Variants in ELN observed in about 807,000 individuals in gnomAD.
The protein encoded by ELN is tropoelastin.
Under a neutral mutation model 105.8 loss-of-function variants are expected in ELN, and 65 were observed. The ratio of observed to expected loss-of-function variants is 0.61; its 90% confidence interval spans 0.50 to 0.75. The LOEUF (loss-of-function observed/expected upper bound fraction) is 0.75. Among genes scored for constraint, ELN ranks in the 30% least tolerant of loss-of-function variants. ELN has a pLI of 0.00. For missense variants in ELN, 882 were observed against 969.4 expected (o/e 0.91, Z 1.20); for synonymous variants, 368 against 389.2 (o/e 0.95, Z 0.64).
chr7:74,032,655 G>A (rs1457823578), intron 1 of ELN, among the ~76,000 whole-genome samples: 1 of 152,188 alleles, frequency 6.6e-6, no homozygotes, highest in African/African-American at 2.4e-5. Context: ...GGGTCTGAAC[G>A]GTGGGGGTGG....
chr7:74,044,906 T>A (rs1554671078), intron 9 of ELN, among the ~76,000 whole-genome samples: 1 of 152,186 alleles, frequency 6.6e-6, no homozygotes, highest in African/African-American at 2.4e-5. Flanking sequence ...GCAGCAGCTG[T>A]CCCTCTCTTT....
chr7:74,054,906 G>A, intron 19 of ELN, 137 bp downstream of exon 19: 1 of 904,486 alleles, frequency 1.1e-6, no homozygotes, highest in Non-Finnish European at 1.8e-6. Flanking sequence ...CAGGCCTCAG[G>A]ACAATGTCTC....
intron 19 of ELN, among the ~76,000 whole-genome samples, chr7:74,055,306 G>A (rs529796994): frequency 6.6e-6 from 1 of 151,956 alleles, no homozygotes; most frequent in Non-Finnish European, 1.5e-5. Flanking sequence ...TGGGCATAGT[G>A]GCATGTGCTT....
rs572391132 is a variant in ELN, at chr7:74,065,555, A to G, written c.1994-139A>G. ...CTTGAACCCAGGAGATGGAGGTTGCAGTGAGCCGGGATCGCGCCACTGCAC... is the reference window on the plus strand; with the variant it reads ...CTTGAACCCAGGAGATGGAGGTTGCGGTGAGCCGGGATCGCGCCACTGCAC... On this transcript the variant is annotated intron_variant, in intron 29 of 32. Coordinates refer to ENST00000252034, the MANE Select transcript of ELN (RefSeq NM_000501.4). 27 of 977,364 alleles carry G rather than the reference A, an allele frequency of 2.8e-5. No individual in the cohort carries two copies. In the South Asian group the frequency reaches 4.0e-4, roughly 14 times the overall value. The allele number at this position is 977,364 out of a possible 1,614,324, so 60.5% of individuals were successfully genotyped here.
At position 74,069,074 on chromosome 7, in the gene ELN, T is replaced by C; in HGVS notation, c.*374T>C. The C allele has an allele frequency of 2.5e-6, 1 of 408,022 alleles. No homozygotes were observed. 25.3% of individuals were successfully genotyped at this position (408,022 alleles called of 1,614,324 possible). ...GTGGCCCCTCGGGGAACCCCCTACC[T>C]GGGGCTCCTCTAAAGATGGTGCAGA... On this transcript the variant is annotated 3_prime_UTR_variant, in exon 33 of 33. Transcript: ENST00000252034.
intron 15 of ELN, among the ~76,000 whole-genome samples, chr7:74,051,085 C>G (rs1357401042): frequency 3.3e-5 from 5 of 152,208 alleles, no homozygotes; most frequent in Non-Finnish European, 5.9e-5. Context: ...TGTGCCCGTG[C>G]AGTGGGTGGA....
intron 21 of ELN, 28 bp downstream of exon 21, chr7:74,056,741 A>C: frequency 6.2e-7 from 1 of 1,613,452 alleles, no homozygotes; most frequent in Middle Eastern, 1.6e-4. Context: ...GCCTGTCCCC[A>C]AGTCCTGCTC....
intron 1 of ELN, 76 bp from the exon 2 acceptor site, chr7:74,035,288 C>G (rs1659375925): frequency 6.6e-7 from 1 of 1,526,278 alleles, no homozygotes; most frequent in Non-Finnish European, 9.1e-7. Flanking sequence ...AAAGTAATGG[C>G]AAAAATCGCA....
intron 1 of ELN, among the ~76,000 whole-genome samples, chr7:74,030,487 ATT>A (rs1788430044): frequency 7.4e-6 from 1 of 135,464 alleles, no homozygotes; most frequent in African/African-American, 2.7e-5. Flanking sequence ...TTTTTTCCTG[ATT>A]TCAGAACTGA....
chr7:74,058,089 T>G (rs1221100836), intron 22 of ELN, among the ~76,000 whole-genome samples: 1 of 151,358 alleles, frequency 6.6e-6, no homozygotes, highest in Non-Finnish European at 1.5e-5. Flanking sequence ...CTCCTCCTCC[T>G]CCTTCTCCTT....
intron 32 of ELN, 72 bp downstream of exon 32, chr7:74,066,848 T>C (rs995260732): frequency 2.6e-6 from 4 of 1,540,686 alleles, no homozygotes; most frequent in Admixed American, 1.7e-5. Flanking sequence ...TCCTGTGCCA[T>C]CTCCTGCTCA....
chr7:74,061,856 T>C (rs906051325), intron 26 of ELN, among the ~76,000 whole-genome samples: 2 of 152,172 alleles, frequency 1.3e-5, no homozygotes, highest in African/African-American at 2.4e-5. Context: ...ACATGGTCCC[T>C]GTGTCCAGGA....
chr7:74,037,912 G>T, intron 4 of ELN, 173 bp downstream of exon 4: 1 of 957,118 alleles, frequency 1.0e-6, no homozygotes, highest in South Asian at 1.5e-5. Context: ...GTAGGCCGGG[G>T]CCAGGTCCCA....
intron 32 of ELN, 63 bp downstream of exon 32, chr7:74,066,839 C>T (rs1391498200): frequency 4.5e-6 from 7 of 1,557,806 alleles, no homozygotes; most frequent in Non-Finnish European, 5.3e-6. Flanking sequence ...TCCCTCCTCT[C>T]CTGTGCCATC....
rs373761855 is a variant in ELN, at chr7:74,065,889, C to T, written c.2033-55C>T. ...TTAACCCAGAACCCAGCAGGGATAT[C>T]AGGGCCTCTTCCCGATGGGGGTGTC... is the stretch of plus-strand genomic sequence containing the variant. On this transcript the variant is annotated intron_variant, in intron 30 of 32. Transcript: ENST00000252034. 6 of 1,613,584 alleles carry T rather than the reference C, an allele frequency of 3.7e-6. No homozygotes were observed. In the African/African-American group the frequency reaches 5.3e-5, roughly 14 times the overall value.
Position 74,063,817 on chromosome 7 carries a change from T to C in ELN, c.1993+122T>C. On this transcript the variant is annotated intron_variant, in intron 29 of 32. Transcript: ENST00000252034. The surrounding 1 kb of genome is among the most constrained non-coding windows in gnomAD (Gnocchi z 4.1). ...TGGCACGTCTTTGCTCAAGATGTCCTCTTGGCCAGGTGCGGTGGCTCACGC... is the reference window on the plus strand; with the variant it reads ...TGGCACGTCTTTGCTCAAGATGTCCCCTTGGCCAGGTGCGGTGGCTCACGC... 1 of 1,397,218 alleles carries C rather than the reference T, an allele frequency of 7.2e-7. No homozygotes were observed. The highest frequency in any genetic ancestry group is 1.2e-5 in the South Asian group (1 of 83,730). 86.6% of individuals were successfully genotyped at this position (1,397,218 alleles called of 1,614,324 possible). A position where few individuals can be genotyped will look rare whatever the true frequency, so the allele number is the denominator to read the frequency against.
chr7:74,042,419 C>A (rs1389087735), intron 5 of ELN, among the ~76,000 whole-genome samples, 195 bp from the exon 6 acceptor site: 1 of 149,142 alleles, frequency 6.7e-6, no homozygotes, highest in Non-Finnish European at 1.5e-5. Context: ...CAGAGTGAGA[C>A]CTTGTGTCAA....
At chr7:74,043,716 G>T (rs557320985) in intron 8 of ELN, 163 bp from the exon 9 acceptor site, 2 of 824,302 alleles carry the variant, frequency 2.4e-6, no homozygotes, top group East Asian at 2.7e-5. Flanking sequence ...TCCGAAACTC[G>T]TGGGAGGAGG....
chr7:74,051,963 C>T lies in ELN; in HGVS notation c.929C>T (p.Ala310Val). 1 of 1,613,652 alleles carries T rather than the reference C, an allele frequency of 6.2e-7. No homozygotes were observed. The highest frequency in any genetic ancestry group is 2.2e-5 in the East Asian group (1 of 44,866). The change falls in exon 17 of 33, where the codon GCC becomes GTC. Residue 310 changes from alanine (A) to valine (V), a missense_variant. Transcript: ENST00000252034. ...TPAAAAAAAAAAKAAKYGAAA... is the reference protein window; with the variant it reads ...TPAAAAAAAAVAKAAKYGAAA... ...GCTGCAGCTGCAGCTGCAGCAGCAGCCGCTAAGGCAGCCAAGTATGGTGAG... is the reference window on the plus strand; with the variant it reads ...GCTGCAGCTGCAGCTGCAGCAGCAGTCGCTAAGGCAGCCAAGTATGGTGAG...
Sources: gnomAD v4.1 joint callset for allele counts (sites outside exome capture counted in the v4.1 genomes callset) on GRCh38, gnomAD v4.1.1 for gene constraint, Gnocchi (gnomAD v3.1) non-coding constraint, MANE v1.5 for transcripts, NCBI Gene and HGNC (gene_info 2026-07-23, HGNC 2026-07-21) for gene names.